OR7E24: variants seen among roughly 807,000 people sequenced by gnomAD.
OR7E24 encodes olfactory receptor 7E24.
For synonymous variants in OR7E24, 130 were observed against 157.5 expected, an observed-to-expected ratio of 0.83 and a Z score of 1.31; for missense variants, 385 against 410.3, an observed-to-expected ratio of 0.94 and a Z score of 0.53.
chr19:9,212,371 G>A, the OR7E24 span: 1 of 152,084 alleles, frequency 6.6e-6, no homozygotes, highest in East Asian at 1.9e-4. Context: ...GCAGGTATTT[G>A]AATAAACAGA....
At chr19:9,209,439 C>T in the OR7E24 span, 1 of 152,124 alleles carries the variant, frequency 6.6e-6, no homozygotes, top group East Asian at 1.9e-4. Flanking sequence ...TAGGGCCTGG[C>T]ATGGTGGCTC....
At chr19:9,222,925 TA>T in the OR7E24 span, among the ~76,000 whole-genome samples, 1 of 152,194 alleles carries the variant, frequency 6.6e-6, no homozygotes, top group Non-Finnish European at 1.5e-5. Flanking sequence ...AGTGTGATGT[TA>T]GCTGTGGGTT....
upstream of OR7E24, among the ~76,000 whole-genome samples, chr19:9,243,182 A>T (rs1013152056): frequency 6.6e-6 from 1 of 152,112 alleles, no homozygotes; most frequent in Non-Finnish European, 1.5e-5. Flanking sequence ...AGGATGGGGT[A>T]GTAGATGGTG....
At chr19:9,229,806 C>T in the OR7E24 span, among the ~76,000 whole-genome samples, 3 of 152,112 alleles carry the variant, frequency 2.0e-5, no homozygotes, top group South Asian at 2.1e-4. Context: ...ATGGAAACTT[C>T]GAACTGGGCC....
At chr19:9,247,311 A>C, upstream of OR7E24, 1 of 394,756 alleles carries the variant, frequency 2.5e-6, no homozygotes, top group Non-Finnish European at 4.5e-6. Context: ...TAGAATAGTA[A>C]ATACTCAGCC....
the OR7E24 span, chr19:9,236,127 G>A: frequency 2.0e-6 from 2 of 1,010,260 alleles, no homozygotes; most frequent in Admixed American, 2.1e-5. Context: ...GGTCCCTTAA[G>A]CAAATGTGAA....
chr19:9,221,340 CTTTTTTTTTT>C, the OR7E24 span, among the ~76,000 whole-genome samples: 36 of 81,178 alleles, frequency 4.4e-4, no homozygotes, highest in Non-Finnish European at 5.1e-4. Context: ...GTCTTTTGCC[CTTTTTTTTTT>C]TTTTTTTTTT....
At chr19:9,248,381 T>C (rs939421292), upstream of OR7E24, among the ~76,000 whole-genome samples, 1 of 152,190 alleles carries the variant, frequency 6.6e-6, no homozygotes, top group Admixed American at 6.5e-5. Flanking sequence ...TGCATTTTTA[T>C]ATAGCTCGTA....
At chr19:9,240,476 G>A in the OR7E24 span, among the ~76,000 whole-genome samples, 2,383 of 152,258 alleles carry the variant, frequency 0.016, 52 homozygotes, top group Admixed American at 0.056. Flanking sequence ...ATTTATGGAA[G>A]AGACTGTCCT....
chr19:9,233,026 TG>T, the OR7E24 span, among the ~76,000 whole-genome samples: 1 of 144,074 alleles, frequency 6.9e-6, no homozygotes, highest in Admixed American at 6.9e-5. Context: ...TCCATCTCAC[TG>T]GTCTCTCAAG....
At chr19:9,230,721 C>T in the OR7E24 span, among the ~76,000 whole-genome samples, 1 of 152,144 alleles carries the variant, frequency 6.6e-6, no homozygotes. Context: ...GTTGTCATTA[C>T]TATTTTTTCA....
chr19:9,220,839 G>A, the OR7E24 span, among the ~76,000 whole-genome samples: 1 of 152,160 alleles, frequency 6.6e-6, no homozygotes. Context: ...CAGTGTAGAA[G>A]GGTTTCCATT....
upstream of OR7E24, among the ~76,000 whole-genome samples, chr19:9,246,468 GTGTGTGTGTGTGTGTGT>G (rs2066130715): frequency 1.9e-5 from 2 of 107,124 alleles, no homozygotes; most frequent in South Asian, 3.0e-4. Context: ...TAAAGGTATT[GTGTGTGTGTGTGTGTGT>G]GTGTGTGTGT....
At position 9,251,109 on chromosome 19, in the gene OR7E24, G is replaced by T; in HGVS notation, c.66G>T (p.Gln22His). ...LKRCPSYTEP[Q>H]NLTGVSEFLL... ...GGTGTCCGAGCTACACAGAGCCACAGAATCTCACAGGTGTCTCAGAATTCC... is the reference window on the plus strand; with the variant it reads ...GGTGTCCGAGCTACACAGAGCCACATAATCTCACAGGTGTCTCAGAATTCC... The change falls in exon 1 of 1, where the codon CAG (glutamine) becomes CAT (histidine). Residue 22 changes from glutamine to histidine, a missense_variant. Coordinates refer to ENST00000456448, the MANE Select transcript of OR7E24 (RefSeq NM_001079935.2). 1 of 1,612,992 alleles carries T rather than the reference G, an allele frequency of 6.2e-7. No individual in the cohort carries two copies. Among genetic ancestry groups the T allele is most frequent in the Non-Finnish European group, 8.5e-7 (1 of 1,179,364 alleles).
At chr19:9,213,828 G>A in the OR7E24 span, 23 of 1,079,484 alleles carry the variant, frequency 2.1e-5, no homozygotes, top group Middle Eastern at 2.2e-4. Flanking sequence ...AAAAAGAGCC[G>A]GATATTTAAA....
the OR7E24 span, chr19:9,219,695 G>T: frequency 6.6e-6 from 1 of 152,162 alleles, no homozygotes; most frequent in Non-Finnish European, 1.5e-5. Context: ...AATTCTCAGA[G>T]CACCTTATTA....
In OR7E24 at chr19:9,252,123, T is replaced by G. The variant is rs917707; in HGVS notation, c.*60T>G. The G allele has an allele frequency of 0.2, 295,242 of 1,445,394 alleles. 35,324 individuals are homozygous for G. Among genetic ancestry groups the G allele is most frequent in the East Asian group, 0.44 (19,423 of 43,776 alleles). 89.5% of individuals were successfully genotyped at this position (1,445,394 alleles called of 1,614,324 possible). A position where few individuals can be genotyped will look rare whatever the true frequency, so the allele number is the denominator to read the frequency against. ...ATTCTGCCTCCTTGGTCACATTATTTTGGTTGCTTGATGGCTTTCATTCCT... is the reference window on the plus strand; with the variant it reads ...ATTCTGCCTCCTTGGTCACATTATTGTGGTTGCTTGATGGCTTTCATTCCT... On this transcript the variant is annotated 3_prime_UTR_variant, in exon 1 of 1. Transcript: ENST00000456448.
At chr19:9,228,442 C>T in the OR7E24 span, among the ~76,000 whole-genome samples, 1 of 151,780 alleles carries the variant, frequency 6.6e-6, no homozygotes, top group Non-Finnish European at 1.5e-5. Flanking sequence ...TCCATGCCCC[C>T]GTTAGGCTAC....
At chr19:9,214,934 G>A in the OR7E24 span, 1 of 687,794 alleles carries the variant, frequency 1.5e-6, no homozygotes, top group South Asian at 1.8e-5. Flanking sequence ...ATCACCTTTT[G>A]ATGGACATTT....
Sources: allele counts gnomAD v4.1 joint callset (sites outside exome capture counted in the v4.1 genomes callset), GRCh38; gene constraint gnomAD v4.1.1; transcripts MANE v1.5; gene names NCBI Gene and HGNC (gene_info 2026-07-23, HGNC 2026-07-21).